Variants in ZFHX3 observed in about 807,000 individuals in gnomAD.
The protein encoded by ZFHX3 is zinc finger homeobox protein 3.
Under a neutral mutation model 279.1 loss-of-function variants are expected in ZFHX3, and 42 were observed. That is an observed-to-expected ratio of 0.15 (90% CI 0.12 to 0.19). ZFHX3 has a LOEUF of 0.19. Ranked by LOEUF, ZFHX3 falls within the 10% of genes least tolerant of loss-of-function variation. The pLI, the probability that ZFHX3 is intolerant of heterozygous loss-of-function variation, is 1.00. For missense variants in ZFHX3, 4,981 were observed against 4,754.0 expected (o/e 1.05, Z -1.40); for synonymous variants, 2,293 against 1,957.8 (o/e 1.17, Z -4.52).
chr16:73,272,392 T>C (rs997284636), intron 4 of ZFHX3, among the ~76,000 whole-genome samples: 1 of 152,236 alleles, frequency 6.6e-6, no homozygotes. Context: ...GTATATAAAA[T>C]GATGCTCAAT....
rs545459290 is a variant in ZFHX3, at chr16:73,643,719, C to G, written c.-1547+36461G>C. 3.9e-4 allele frequency among the ~76,000 whole-genome samples: 59 copies of G among 152,324 alleles called. No individual in the cohort carries two copies. The South Asian group carries it at 6.4e-3, about 17-fold the overall frequency. On this transcript the variant is annotated intron_variant, in intron 2 of 17. Transcript: ENST00000641206. ...AGGGAGTGTTTCTTACATTTGTTAA[C>G]AGAATGCTCACTCTGCCAAGTCTTT...
At chr16:73,331,474 G>C (rs1375930341) in intron 3 of ZFHX3, among the ~76,000 whole-genome samples, 2 of 152,162 alleles carry the variant, frequency 1.3e-5, no homozygotes, top group South Asian at 2.1e-4. Context: ...AGACATCCCT[G>C]GTCTTATGCC....
chr16:73,461,914 G>T (rs2018478056), intron 2 of ZFHX3, among the ~76,000 whole-genome samples: 1 of 152,060 alleles, frequency 6.6e-6, no homozygotes, highest in African/African-American at 2.4e-5. Flanking sequence ...AAACTTGCTG[G>T]AATTCGGATA....
chr16:73,759,200 T>C (rs1011206611), intron 1 of ZFHX3, among the ~76,000 whole-genome samples: 45 of 152,310 alleles, frequency 3.0e-4, no homozygotes, highest in African/African-American at 1.0e-3. Context: ...CGCATATTTT[T>C]ATTGGCAATT....
intron 1 of ZFHX3, among the ~76,000 whole-genome samples, chr16:73,034,014 G>A (rs1049344899): frequency 6.6e-6 from 1 of 151,946 alleles, no homozygotes; most frequent in East Asian, 1.9e-4. Context: ...ATTTCACTGA[G>A]AAGAGCTGTA....
intron 2 of ZFHX3, among the ~76,000 whole-genome samples, chr16:73,546,668 CTGT>C (rs1233201244): frequency 2.6e-4 from 34 of 132,990 alleles, no homozygotes; most frequent in Admixed American, 7.1e-4. Flanking sequence ...TTGGGTGCTG[CTGT>C]TGCTGCTGCT....
intron 1 of ZFHX3, among the ~76,000 whole-genome samples, chr16:73,021,911 C>G (rs1355674078): frequency 6.6e-6 from 1 of 151,050 alleles, no homozygotes; most frequent in Non-Finnish European, 1.5e-5. Context: ...ACAAGGAAGA[C>G]AGCCACGTGT....
intron 3 of ZFHX3, among the ~76,000 whole-genome samples, chr16:73,381,360 G>A (rs1039056934): frequency 6.6e-6 from 1 of 152,024 alleles, no homozygotes; most frequent in East Asian, 1.9e-4. Flanking sequence ...GCTATGAAAA[G>A]CATGAAAAAT....
chr16:73,688,386 A>G (rs1284699514), intron 1 of ZFHX3, among the ~76,000 whole-genome samples: 1 of 150,334 alleles, frequency 6.7e-6, no homozygotes, highest in Admixed American at 6.7e-5. Context: ...TTGTATCTTG[A>G]AATTTAATCC....
intron 4 of ZFHX3, among the ~76,000 whole-genome samples, chr16:73,281,187 T>C (rs1487987346): frequency 6.6e-6 from 1 of 152,214 alleles, no homozygotes. Flanking sequence ...ACTCTCATGT[T>C]CATTGCAGCA....
intron 7 of ZFHX3, among the ~76,000 whole-genome samples, chr16:73,115,377 CAA>C (rs10685277): frequency 2.0e-4 from 16 of 80,710 alleles, no homozygotes; most frequent in African/African-American, 6.9e-4. Context: ...CCTATCTCTA[CAA>C]AAAAAAAAAA....
intron 4 of ZFHX3, among the ~76,000 whole-genome samples, chr16:72,864,576 G>A (rs950521770): frequency 6.6e-6 from 1 of 152,172 alleles, no homozygotes; most frequent in East Asian, 1.9e-4. Context: ...CACAAGTAAA[G>A]CTTTGAAATC....
intron 2 of ZFHX3, among the ~76,000 whole-genome samples, chr16:73,633,051 G>A (rs989048322): frequency 1.2e-4 from 18 of 152,174 alleles, no homozygotes; most frequent in Admixed American, 1.2e-3. Context: ...TGCACTCTAG[G>A]CTGGACAACA....
chr16:73,655,795 C>T (rs2052716238), intron 2 of ZFHX3, among the ~76,000 whole-genome samples: 1 of 152,118 alleles, frequency 6.6e-6, no homozygotes, highest in Admixed American at 6.6e-5. Flanking sequence ...CTTGCAAAAC[C>T]ATTTGACATT....
intron 1 of ZFHX3, among the ~76,000 whole-genome samples, chr16:73,746,401 A>G (rs2053703878): frequency 6.6e-6 from 1 of 152,220 alleles, no homozygotes; most frequent in African/African-American, 2.4e-5. Context: ...GGAACAAAAG[A>G]AGGCTTGATA....
At chr16:73,853,861 C>T (rs1961651705) in intron 1 of ZFHX3, among the ~76,000 whole-genome samples, 1 of 152,068 alleles carries the variant, frequency 6.6e-6, no homozygotes, top group Non-Finnish European at 1.5e-5. Context: ...AAAAGTTTCC[C>T]AAAGTCTGTG....
At chr16:73,684,695 C>CTTTTTTTTT (rs201167110) in intron 1 of ZFHX3, among the ~76,000 whole-genome samples, 1 of 137,498 alleles carries the variant, frequency 7.3e-6, no homozygotes. Flanking sequence ...CACAAGGGTC[C>CTTTTTTTTT]TTTTTTTTTT....
chr16:73,392,485 G>A (rs111379312), intron 3 of ZFHX3, among the ~76,000 whole-genome samples: 1 of 144,382 alleles, frequency 6.9e-6, no homozygotes, highest in African/African-American at 2.5e-5. Context: ...TTTATTGAGA[G>A]ATATGGAGGT....
At chr16:73,238,882 C>T (rs184024810) in intron 5 of ZFHX3, among the ~76,000 whole-genome samples, 595 of 152,306 alleles carry the variant, frequency 3.9e-3, no homozygotes, top group Non-Finnish European at 6.7e-3. Context: ...ACCAACTCCT[C>T]CTCCCCTTTC....
Sources: allele counts gnomAD v4.1 joint callset (sites outside exome capture counted in the v4.1 genomes callset), GRCh38; gene constraint gnomAD v4.1.1; transcripts MANE v1.5; gene names NCBI Gene and HGNC (gene_info 2026-07-23, HGNC 2026-07-21).